ANKIB1: variants seen among roughly 807,000 people sequenced by gnomAD.
ANKIB1 encodes ankyrin repeat and IBR domain containing 1.
ANKIB1 carries 43 observed loss-of-function variants against 122.1 expected under a neutral mutation model. The observed-to-expected ratio is 0.35, with a 90% CI of 0.28 to 0.45. ANKIB1 has a LOEUF of 0.45. ANKIB1 is among the 20% of genes least tolerant of loss of function. The pLI is 1.00. For missense variants in ANKIB1, 992 were observed against 1,329.5 expected (o/e 0.75, Z 3.95); for synonymous variants, 390 against 442.0 (o/e 0.88, Z 1.48).
intron 5 of ANKIB1, among the ~76,000 whole-genome samples, chr7:92,333,786 T>A (rs946699561): frequency 2.6e-5 from 4 of 152,162 alleles, no homozygotes; most frequent in African/African-American, 9.6e-5. Flanking sequence ...CTGAAAAATA[T>A]GGTAGAAAAG....
intron 3 of ANKIB1, among the ~76,000 whole-genome samples, chr7:92,313,659 T>G (rs189221429): frequency 6.7e-4 from 102 of 152,158 alleles, no homozygotes; most frequent in African/African-American, 2.4e-3. Flanking sequence ...AATATTTCAG[T>G]TTAAGTATTT....
intron 9 of ANKIB1, among the ~76,000 whole-genome samples, chr7:92,355,821 C>T (rs1185884316): frequency 6.6e-6 from 1 of 150,382 alleles, no homozygotes; most frequent in Admixed American, 6.6e-5. Context: ...TGCACTCCAG[C>T]CCAGGCAACG....
chr7:92,372,776 A>G (rs1804301091), intron 11 of ANKIB1, among the ~76,000 whole-genome samples: 1 of 152,168 alleles, frequency 6.6e-6, no homozygotes, highest in Admixed American at 6.5e-5. Flanking sequence ...ACCTACATTT[A>G]TGAACCTTTT....
chr7:92,321,479 C>T (rs1273937346), intron 4 of ANKIB1, among the ~76,000 whole-genome samples: 1 of 152,068 alleles, frequency 6.6e-6, no homozygotes, highest in Non-Finnish European at 1.5e-5. Context: ...CTGTCAATTC[C>T]ATGAAGGCTA....
chr7:92,318,625 G>A (rs1042437099), intron 3 of ANKIB1, among the ~76,000 whole-genome samples: 3 of 152,130 alleles, frequency 2.0e-5, no homozygotes, highest in Non-Finnish European at 4.4e-5. Flanking sequence ...TGGGAAACTT[G>A]AACCTACAGT....
At chr7:92,395,056 C>T (rs1804856149) in intron 17 of ANKIB1, among the ~76,000 whole-genome samples, 1 of 152,152 alleles carries the variant, frequency 6.6e-6, no homozygotes, top group Non-Finnish European at 1.5e-5. Context: ...TGGAAAGACA[C>T]CATAATGATT....
intron 1 of ANKIB1, among the ~76,000 whole-genome samples, chr7:92,292,879 C>T (rs978421543): frequency 1.4e-4 from 21 of 151,996 alleles, no homozygotes; most frequent in Middle Eastern, 3.2e-3. Context: ...TGCAGTAAAC[C>T]GTGAGGTAAA....
At chr7:92,312,678 A>T (rs1370912618) in intron 3 of ANKIB1, among the ~76,000 whole-genome samples, 2 of 152,176 alleles carry the variant, frequency 1.3e-5, no homozygotes, top group Non-Finnish European at 2.9e-5. Flanking sequence ...AGCAGGTTTG[A>T]TTTGGCCTAA....
Position 92,319,382 on chromosome 7 carries a change from C to T in ANKIB1, c.539C>T (p.Thr180Ile). 6.2e-7 allele frequency: 1 copy of T among 1,610,778 alleles called. No homozygotes were observed. The highest frequency in any genetic ancestry group is 8.5e-7 in the Non-Finnish European group (1 of 1,178,832). ...TTTGCTGAGAATGAAAATAAAGATA[C>T]TCCTTGTGATTGTGCTGAAAAGCAA... is the stretch of plus-strand genomic sequence containing the variant. ...DLFAENENKD[T>I]PCDCAEKQHH... The change falls in exon 4 of 20, where the codon ACT (threonine) becomes ATT (isoleucine). Residue 180 changes from threonine (T) to isoleucine (I), a missense_variant. Around this residue, in one of 4 missense-constraint regions of ANKIB1, gnomAD observed 521 missense variants for 777.7 expected, o/e 0.67. Coordinates refer to ENST00000265742, the MANE Select transcript of ANKIB1 (RefSeq NM_019004.2).
intron 2 of ANKIB1, among the ~76,000 whole-genome samples, chr7:92,295,638 A>G (rs901683637): frequency 3.3e-5 from 5 of 152,172 alleles, no homozygotes; most frequent in Non-Finnish European, 5.9e-5. Context: ...AAATGGGTGC[A>G]TTTGCCTTTT....
At chr7:92,304,687 A>T (rs1802522812) in intron 2 of ANKIB1, among the ~76,000 whole-genome samples, 2 of 152,124 alleles carry the variant, frequency 1.3e-5, no homozygotes, top group Non-Finnish European at 2.9e-5. Context: ...TTTGTCAATC[A>T]TGCCTTGTAG....
At chr7:92,389,698 A>G (rs1347302409) in intron 14 of ANKIB1, among the ~76,000 whole-genome samples, 3 of 152,174 alleles carry the variant, frequency 2.0e-5, no homozygotes, top group Non-Finnish European at 4.4e-5. Context: ...ACCAGAATCC[A>G]AGATGAGTAT....
chr7:92,336,512 T>C (rs1311519128), intron 5 of ANKIB1, among the ~76,000 whole-genome samples: 1 of 152,168 alleles, frequency 6.6e-6, no homozygotes, highest in Non-Finnish European at 1.5e-5. Context: ...TTTTTCCACA[T>C]GTCTAGTAAT....
intron 1 of ANKIB1, among the ~76,000 whole-genome samples, chr7:92,280,329 C>A (rs1434607833): frequency 6.6e-6 from 1 of 151,908 alleles, no homozygotes; most frequent in Non-Finnish European, 1.5e-5. Context: ...CAGTAAATTT[C>A]TCATTTATAG....
At chr7:92,387,934 A>G in intron 13 of ANKIB1, 41 bp from the exon 14 acceptor site, 3 of 1,604,526 alleles carry the variant, frequency 1.9e-6, no homozygotes, top group Non-Finnish European at 2.6e-6. Context: ...TTGTGAATAA[A>G]TAAAGAGAAT....
intron 18 of ANKIB1, among the ~76,000 whole-genome samples, chr7:92,397,345 G>C (rs978840584): frequency 7.9e-5 from 12 of 152,028 alleles, no homozygotes; most frequent in Non-Finnish European, 1.6e-4. Flanking sequence ...AATTAGCCAG[G>C]CATGGTGGTG....
intron 2 of ANKIB1, among the ~76,000 whole-genome samples, chr7:92,303,709 G>T (rs1802498781): frequency 6.6e-6 from 1 of 152,138 alleles, no homozygotes; most frequent in African/African-American, 2.4e-5. Context: ...TAATAGAAAG[G>T]TCAGGAGGTA....
At position 92,399,016 on chromosome 7, in the gene ANKIB1, TAG is replaced by T. The variant is rs1049061663; in HGVS notation, c.*71_*72del. 1 of 1,452,360 alleles carries T rather than the reference TAG, an allele frequency of 6.9e-7. No individual in the cohort carries two copies. Among genetic ancestry groups the T allele is most frequent in the Non-Finnish European group, 9.1e-7 (1 of 1,098,190 alleles). 90.0% of individuals were successfully genotyped at this position (1,452,360 alleles called of 1,614,324 possible). On this transcript the variant is annotated 3_prime_UTR_variant, in exon 20 of 20. Transcript: ENST00000265742. Reference sequence around the variant, plus strand: ...GGTATGCTAGGTGGAGTATGCTTGATAGAGACTTTGATTCACTTAATTCCAAC... The same window carrying T: ...GGTATGCTAGGTGGAGTATGCTTGATAGACTTTGATTCACTTAATTCCAAC...
rs1804950158 is a variant in ANKIB1, at chr7:92,398,555, C to G, written c.2876C>G (p.Ala959Gly). The change falls in exon 20 of 20, where the codon GCT becomes GGT. Residue 959 changes from alanine to glycine, a missense_variant. Physicochemically the swap from Ala to Gly is moderately conservative, Grantham distance 60. Around this residue, in one of 4 missense-constraint regions of ANKIB1, gnomAD observed 384 missense variants for 412.0 expected, o/e 0.93. Transcript: ENST00000265742. Reference sequence around the variant, plus strand: ...CCCTCATCTAGTGATCCTGACTCAGCTGGCCAGGACCCCAACATCAATGAC... The same window carrying G: ...CCCTCATCTAGTGATCCTGACTCAGGTGGCCAGGACCCCAACATCAATGAC... ...FCPSSSDPDS[A>G]GQDPNINDNL... The G allele has an allele frequency of 1.2e-6, 2 of 1,613,806 alleles. No homozygotes were observed. The highest frequency in any genetic ancestry group is 2.2e-5 in the East Asian group (1 of 44,884).
Sources: gnomAD v4.1 joint callset for allele counts (sites outside exome capture counted in the v4.1 genomes callset) on GRCh38, gnomAD v4.1.1 for gene constraint, gnomAD v4.1.1 regional missense constraint, MANE v1.5 for transcripts, NCBI Gene and HGNC (gene_info 2026-07-23, HGNC 2026-07-21) for gene names.